Variants in AKR1C3 observed in about 807,000 individuals in gnomAD.
AKR1C3 encodes the protein 3-alpha hydroxysteroid dehydrogenase, type II.
Under a neutral mutation model 43.6 loss-of-function variants are expected in AKR1C3, and 48 were observed. The observed-to-expected ratio is 1.10, with a 90% CI of 0.87 to 1.40. AKR1C3 has a LOEUF of 1.40. Ranked by LOEUF, AKR1C3 falls within the 40% of genes most tolerant of loss-of-function variation. The probability of loss-of-function intolerance (pLI) is 0.00; values close to 1 mark genes in which losing one functional copy is unlikely to be tolerated. For missense variants in AKR1C3, 482 were observed against 391.2 expected (o/e 1.23, Z -1.96); for synonymous variants, 162 against 139.6 (o/e 1.16, Z -1.13).
At chr10:5,105,824 A>G (rs587705797) in intron 8 of AKR1C3, 147 bp downstream of exon 8, 85 of 659,750 alleles carry the variant, frequency 1.3e-4, no homozygotes, top group Non-Finnish European at 2.2e-4. Flanking sequence ...TTCACTCCAG[A>G]GCTCTGTTCT....
chr10:5,082,457 T>G (rs1396861087), intron 1 of AKR1C3, among the ~76,000 whole-genome samples: 1 of 152,156 alleles, frequency 6.6e-6, no homozygotes, highest in African/African-American at 2.4e-5. Context: ...TGAGTCATGT[T>G]CCCTTGATGT....
intron 1 of AKR1C3, among the ~76,000 whole-genome samples, chr10:5,095,541 T>C (rs1241403029): frequency 1.3e-5 from 2 of 151,800 alleles, no homozygotes; most frequent in African/African-American, 4.8e-5. Flanking sequence ...TCTAGTTCCT[T>C]GTAATTTCAA....
upstream of AKR1C3, chr10:5,094,082 A>G (rs1839153820): frequency 1.2e-5 from 2 of 169,098 alleles, no homozygotes; most frequent in African/African-American, 4.8e-5. Flanking sequence ...ACGAAAAAAG[A>G]TATTTGTAGC....
At chr10:5,092,268 T>C (rs960084937), upstream of AKR1C3, among the ~76,000 whole-genome samples, 1 of 152,034 alleles carries the variant, frequency 6.6e-6, no homozygotes, top group Non-Finnish European at 1.5e-5. Context: ...ATGTGGGCCT[T>C]GGTCTCTTTA....
Position 5,097,495 on chromosome 10 carries a change from AAG to A in AKR1C3, c.315_316del (p.Lys105AsnfsTer7), listed in dbSNP as rs782663777. 7.4e-6 allele frequency: 12 copies of A among 1,613,718 alleles called. No homozygotes were observed. The African/African-American group carries it at 1.6e-4, about 22-fold the overall frequency. On this transcript the variant is annotated frameshift_variant, in exon 3 of 9. Coordinates refer to ENST00000380554, the MANE Select transcript of AKR1C3 (RefSeq NM_003739.6). LOFTEE classifies it high-confidence loss of function. The stretch of plus-strand genomic sequence containing the variant: ...CCAGCCTTGGAAAACTCACTGAAGA[AAG>A]CTCAATTGGACTATGTTGACCTCTA...
At chr10:5,063,871 G>A (rs1334051359) in intron 1 of AKR1C3, among the ~76,000 whole-genome samples, 2 of 150,748 alleles carry the variant, frequency 1.3e-5, no homozygotes, top group African/African-American at 4.9e-5. Flanking sequence ...TCTGAGAAAG[G>A]CTCTGTGAGG....
intron 3 of AKR1C3, chr10:5,097,815 C>T: frequency 2.5e-6 from 3 of 1,207,140 alleles, no homozygotes; most frequent in Non-Finnish European, 3.1e-6. Flanking sequence ...TTTCAAGGCA[C>T]TGTCTTAGTT....
intron 7 of AKR1C3, chr10:5,105,306 TGACCCTATCATGTGGGCA>T: frequency 1.3e-5 from 1 of 79,748 alleles, no homozygotes; most frequent in Non-Finnish European, 2.0e-5. Flanking sequence ...GGGCACAATG[TGACCCTATCATGTGGGCA>T]CAATGTCAGC....
intron 8 of AKR1C3, 54 bp from the exon 9 acceptor site, chr10:5,107,407 A>T (rs1839534239): frequency 2.4e-6 from 3 of 1,255,054 alleles, no homozygotes; most frequent in Admixed American, 1.8e-5. Context: ...TCACTTTACT[A>T]CTCCCCTAGT....
At chr10:5,074,851 A>G (rs1838678540) in intron 1 of AKR1C3, among the ~76,000 whole-genome samples, 1 of 152,138 alleles carries the variant, frequency 6.6e-6, no homozygotes, top group Admixed American at 6.5e-5. Context: ...ACACAAATGC[A>G]TTTCCGATTG....
intron 1 of AKR1C3, among the ~76,000 whole-genome samples, chr10:5,078,337 G>C (rs1256536039): frequency 6.6e-6 from 1 of 152,192 alleles, no homozygotes; most frequent in African/African-American, 2.4e-5. Context: ...CCGCTACTCG[G>C]GAGGCTGAGG....
At chr10:5,071,199 A>C (rs1178706331) in intron 1 of AKR1C3, among the ~76,000 whole-genome samples, 2 of 152,242 alleles carry the variant, frequency 1.3e-5, no homozygotes, top group African/African-American at 4.8e-5. Context: ...ATGGCTCCAG[A>C]GGCTGGAAAT....
At chr10:5,063,727 C>G (rs557271202) in intron 1 of AKR1C3, among the ~76,000 whole-genome samples, 3 of 120,970 alleles carry the variant, frequency 2.5e-5, no homozygotes, top group African/African-American at 9.7e-5. Context: ...TGCGCCACTG[C>G]AATCCACCCT....
Position 5,097,543 on chromosome 10 carries a change from C to T in AKR1C3, c.362C>T (p.Ser121Phe), listed in dbSNP as rs967542977. 1 of 1,613,566 alleles carries T rather than the reference C, an allele frequency of 6.2e-7. No homozygotes were observed. The highest frequency in any genetic ancestry group is 1.7e-4 in the Middle Eastern group (1 of 6,058). The change falls in exon 3 of 9, where the codon TCT becomes TTT. Residue 121 changes from serine to phenylalanine, a missense_variant. By Grantham distance (155) the Ser-to-Phe change is radical. Transcript: ENST00000380554. ...CTCTATCTTATTCATTCTCCAATGT[C>T]TCTAAAGGTATGCAGTTTGTATGAG... ...VDLYLIHSPM[S>F]LKPGEELSPT... is the part of the protein sequence containing the mutation.
intron 1 of AKR1C3, among the ~76,000 whole-genome samples, chr10:5,057,125 C>A (rs1838277221): frequency 6.6e-6 from 1 of 152,178 alleles, no homozygotes; most frequent in Non-Finnish European, 1.5e-5. Context: ...TCCTCTGGGG[C>A]AGTGCACCTT....
intron 1 of AKR1C3, among the ~76,000 whole-genome samples, chr10:5,079,852 G>A (rs1460904837): frequency 1.3e-5 from 2 of 152,116 alleles, no homozygotes; most frequent in Non-Finnish European, 2.9e-5. Context: ...TGCATTTTAT[G>A]TTAATTATTC....
At chr10:5,055,541 C>T (rs542089676) in intron 1 of AKR1C3, among the ~76,000 whole-genome samples, 1 of 152,370 alleles carries the variant, frequency 6.6e-6, no homozygotes, top group East Asian at 1.9e-4. Flanking sequence ...AAGACGTCCA[C>T]TGCTGCAACT....
intron 2 of AKR1C3, 141 bp downstream of exon 2, chr10:5,096,718 C>G: frequency 7.3e-7 from 1 of 1,373,996 alleles, no homozygotes; most frequent in Non-Finnish European, 9.6e-7. Context: ...CATACTAAAA[C>G]TGAAATCAAA....
At chr10:5,089,999 C>G (rs543412559), upstream of AKR1C3, among the ~76,000 whole-genome samples, 5 of 152,238 alleles carry the variant, frequency 3.3e-5, no homozygotes, top group South Asian at 1.0e-3. Context: ...CCCTATGGCA[C>G]TTGTGTTGGT....
Sources: gnomAD v4.1 joint callset for allele counts (sites outside exome capture counted in the v4.1 genomes callset) on GRCh38, gnomAD v4.1.1 for gene constraint, MANE v1.5 for transcripts, NCBI Gene and HGNC (gene_info 2026-07-23, HGNC 2026-07-21) for gene names.